Variants in ROBO2 observed in about 807,000 individuals in gnomAD.
ROBO2 encodes roundabout homolog 2.
In ROBO2, 53 loss-of-function variants were observed where a neutral mutation model predicts 160.8. That is an observed-to-expected ratio of 0.33 (90% CI 0.26 to 0.41). The LOEUF (loss-of-function observed/expected upper bound fraction) is 0.41, where lower values mean the gene tolerates loss of function less well. ROBO2 is among the 10% of genes least tolerant of loss of function. ROBO2 has a pLI of 1.00. For missense variants in ROBO2, 1,577 were observed against 1,722.4 expected, an observed-to-expected ratio of 0.92 and a Z score of 1.49; for synonymous variants, 664 against 611.7, an observed-to-expected ratio of 1.09 and a Z score of -1.26.
intron 6 of ROBO2, 32 bp downstream of exon 6, chr3:77,522,934 A>G: frequency 6.2e-7 from 1 of 1,607,436 alleles, no homozygotes; most frequent in Non-Finnish European, 8.5e-7. Context: ...AGATAATTGA[A>G]CCAGGAGACT....
intron 2 of ROBO2, among the ~76,000 whole-genome samples, chr3:76,136,786 A>G (rs1363406115): frequency 6.6e-6 from 1 of 152,088 alleles, no homozygotes; most frequent in African/African-American, 2.4e-5. Context: ...ATTTAGTGTC[A>G]AAATAAATGC....
intron 2 of ROBO2, among the ~76,000 whole-genome samples, chr3:76,753,808 GCAA>G (rs2060816679): frequency 6.6e-6 from 1 of 151,812 alleles, no homozygotes; most frequent in African/African-American, 2.4e-5. Context: ...AGCATTACAG[GCAA>G]AGTAATTTCT....
At chr3:76,965,293 C>T (rs1225299401) in intron 2 of ROBO2, among the ~76,000 whole-genome samples, 1 of 152,236 alleles carries the variant, frequency 6.6e-6, no homozygotes, top group Non-Finnish European at 1.5e-5. Context: ...CGGAGAGGAG[C>T]TGTGCTTTCG....
At chr3:76,401,071 A>AC (rs2077785986) in intron 2 of ROBO2, among the ~76,000 whole-genome samples, 2 of 151,526 alleles carry the variant, frequency 1.3e-5, no homozygotes, top group African/African-American at 2.4e-5. Flanking sequence ...TGGTCAAAAT[A>AC]ATGAGATAGG....
chr3:77,277,172 C>G (rs926171204), intron 2 of ROBO2, among the ~76,000 whole-genome samples: 2 of 96,788 alleles, frequency 2.1e-5, no homozygotes, highest in Non-Finnish European at 4.1e-5. Flanking sequence ...TTCTTTCTTT[C>G]TTTCTTTCTT....
intron 2 of ROBO2, among the ~76,000 whole-genome samples, chr3:76,833,776 C>T (rs1039290223): frequency 6.6e-6 from 1 of 152,142 alleles, no homozygotes; most frequent in Non-Finnish European, 1.5e-5. Context: ...GGTAAGTGCC[C>T]ACAGGGACAC....
At chr3:76,435,793 G>GTTCAC (rs2076647354) in intron 2 of ROBO2, among the ~76,000 whole-genome samples, 1 of 152,176 alleles carries the variant, frequency 6.6e-6, no homozygotes, top group Non-Finnish European at 1.5e-5. Flanking sequence ...TAACAGATCA[G>GTTCAC]AATGTTCACA....
At chr3:76,314,477 G>T (rs565223166) in intron 2 of ROBO2, among the ~76,000 whole-genome samples, 1 of 151,888 alleles carries the variant, frequency 6.6e-6, no homozygotes, top group South Asian at 2.1e-4. Context: ...TATGTATTGA[G>T]TTCACCCTTG....
At position 76,434,514 on chromosome 3, in the gene ROBO2, A is replaced by G. The variant is rs1343282320; in HGVS notation, c.109+496912A>G. On this transcript the variant is annotated intron_variant, in intron 2 of 26. Transcript: ENST00000487694. ...ACAAACCGAGTCCTCAAAGAGTACA[A>G]AGATGTGGATAAGAAGCATGTAGAC... 4 of 1,562,550 alleles carry G rather than the reference A, an allele frequency of 2.6e-6. No individual in the cohort carries two copies. The African/African-American group carries it at 5.4e-5, about 21-fold the overall frequency.
intron 2 of ROBO2, among the ~76,000 whole-genome samples, chr3:77,246,327 ATGTG>A (rs71104664): frequency 0.033 from 4,775 of 145,794 alleles, 127 homozygotes; most frequent in East Asian, 0.077. Flanking sequence ...GTGTATGTGT[ATGTG>A]TGTGTGTGTG....
intron 2 of ROBO2, among the ~76,000 whole-genome samples, chr3:76,051,099 T>C (rs1023388723): frequency 6.6e-6 from 1 of 152,226 alleles, no homozygotes; most frequent in African/African-American, 2.4e-5. Flanking sequence ...TTGTTATATT[T>C]ACTTGTTCTT....
At chr3:75,959,673 A>C (rs1376466841) in intron 2 of ROBO2, among the ~76,000 whole-genome samples, 3 of 151,748 alleles carry the variant, frequency 2.0e-5, no homozygotes, top group Admixed American at 1.3e-4. Flanking sequence ...TATAAAATTA[A>C]GTTTAGTAGA....
chr3:77,546,433 G>C, exon 7 of ROBO2: 1 of 1,613,286 alleles, frequency 6.2e-7, no homozygotes. Context: ...CCCACAGCCA[G>C]CTGTTTTTTG....
intron 2 of ROBO2, among the ~76,000 whole-genome samples, chr3:76,525,343 T>C (rs960955089): frequency 3.9e-5 from 6 of 152,052 alleles, no homozygotes; most frequent in Admixed American, 2.0e-4. Context: ...TAAATATATT[T>C]CTTCTAAATA....
intron 2 of ROBO2, among the ~76,000 whole-genome samples, chr3:76,218,220 A>G (rs1219360202): frequency 1.3e-5 from 2 of 152,220 alleles, no homozygotes; most frequent in Non-Finnish European, 2.9e-5. Context: ...TGAATGGACA[A>G]AAACTGGAAG....
chr3:76,222,561 G>C (rs1422921280), intron 2 of ROBO2, among the ~76,000 whole-genome samples: 1 of 151,722 alleles, frequency 6.6e-6, no homozygotes, highest in African/African-American at 2.4e-5. Context: ...CCTTTCCCTG[G>C]CACTGTCTGT....
chr3:77,145,508 T>G (rs2150474726), intron 2 of ROBO2, among the ~76,000 whole-genome samples: 1 of 152,302 alleles, frequency 6.6e-6, no homozygotes, highest in South Asian at 2.1e-4. Context: ...GGCATTATTT[T>G]TAAATGTTAA....
At chr3:76,812,515 A>G (rs1476292840) in intron 2 of ROBO2, among the ~76,000 whole-genome samples, 1 of 151,938 alleles carries the variant, frequency 6.6e-6, no homozygotes, top group Non-Finnish European at 1.5e-5. Context: ...AAAAAGGGAA[A>G]CTTGAACAAC....
intron 2 of ROBO2, among the ~76,000 whole-genome samples, chr3:76,995,557 A>C (rs1480354294): frequency 6.6e-6 from 1 of 152,178 alleles, no homozygotes; most frequent in East Asian, 1.9e-4. Context: ...ACTAGTTTAC[A>C]GTCCCACCAA....
Sources: allele counts gnomAD v4.1 joint callset (sites outside exome capture counted in the v4.1 genomes callset), GRCh38; gene constraint gnomAD v4.1.1; transcripts MANE v1.5; gene names NCBI Gene and HGNC (gene_info 2026-07-23, HGNC 2026-07-21).